RANBP2: variants seen among roughly 807,000 people sequenced by gnomAD.
RANBP2 encodes E3 SUMO-protein ligase RanBP2.
Under a neutral mutation model 303.6 loss-of-function variants are expected in RANBP2, and 57 were observed. That is an observed-to-expected ratio of 0.19 (90% CI 0.15 to 0.23). The LOEUF (loss-of-function observed/expected upper bound fraction) is 0.23. RANBP2 is among the 10% of genes least tolerant of loss of function. The pLI is 1.00. For synonymous variants in RANBP2, 1,167 were observed against 1,301.5 expected, an observed-to-expected ratio of 0.90 and a Z score of 2.23; for missense variants, 3,138 against 3,780.8, an observed-to-expected ratio of 0.83 and a Z score of 4.46.
the RANBP2 span, among the ~76,000 whole-genome samples, chr2:109,329,269 A>G: frequency 6.6e-6 from 1 of 152,152 alleles, no homozygotes; most frequent in African/African-American, 2.4e-5. Context: ...GATTGCTTCT[A>G]AATCTCTCCA....
the RANBP2 span, among the ~76,000 whole-genome samples, chr2:109,210,290 C>G: frequency 2.6e-5 from 4 of 152,156 alleles, no homozygotes; most frequent in African/African-American, 4.8e-5. Context: ...CTGTTTGAGT[C>G]CTTGCTTTGA....
chr2:109,737,565 G>A, the RANBP2 span: 11 of 434,730 alleles, frequency 2.5e-5, no homozygotes, highest in African/African-American at 2.3e-4. Flanking sequence ...TTAACGTACT[G>A]ATTTTCTTTT....
the RANBP2 span, among the ~76,000 whole-genome samples, chr2:108,988,693 G>A: frequency 3.9e-5 from 6 of 152,302 alleles, no homozygotes; most frequent in African/African-American, 1.2e-4. Flanking sequence ...CTTAAAGCCT[G>A]TGAAGCACAC....
chr2:109,373,652 C>T, the RANBP2 span, among the ~76,000 whole-genome samples: 7 of 152,150 alleles, frequency 4.6e-5, no homozygotes, highest in East Asian at 1.9e-4. Flanking sequence ...GGGATTCTGA[C>T]TGGAAGAGGT....
chr2:109,143,085 G>T, the RANBP2 span, among the ~76,000 whole-genome samples: 1 of 152,126 alleles, frequency 6.6e-6, no homozygotes, highest in South Asian at 2.1e-4. Flanking sequence ...AACCCAGTGT[G>T]GGGGGCCTGC....
chr2:109,593,798 T>C, the RANBP2 span, among the ~76,000 whole-genome samples: 2 of 152,152 alleles, frequency 1.3e-5, no homozygotes, highest in African/African-American at 4.8e-5. Context: ...ATGTCAAGAA[T>C]GCTACAATTG....
chr2:109,644,501 A>C, the RANBP2 span, among the ~76,000 whole-genome samples: 1 of 152,196 alleles, frequency 6.6e-6, no homozygotes, highest in Non-Finnish European at 1.5e-5. Flanking sequence ...GTTAAAGAAA[A>C]GTAGTTTGTG....
At chr2:108,775,464 G>T (rs1438177387) in intron 23 of RANBP2, among the ~76,000 whole-genome samples, 1 of 152,110 alleles carries the variant, frequency 6.6e-6, no homozygotes, top group African/African-American at 2.4e-5. Context: ...GAAAAACTCC[G>T]TGTGGATCTT....
the RANBP2 span, chr2:109,371,689 C>T: frequency 1.7e-5 from 27 of 1,612,176 alleles, no homozygotes; most frequent in African/African-American, 1.6e-4. Context: ...GAGGTAAGAC[C>T]GTGCCGCCCT....
chr2:109,321,908 G>A, the RANBP2 span, among the ~76,000 whole-genome samples: 1 of 152,222 alleles, frequency 6.6e-6, no homozygotes, highest in African/African-American at 2.4e-5. Flanking sequence ...AGGACTTCAG[G>A]ACTTCTCTGA....
chr2:108,816,853 C>T, the RANBP2 span, among the ~76,000 whole-genome samples: 1 of 152,106 alleles, frequency 6.6e-6, no homozygotes, highest in Non-Finnish European at 1.5e-5. Context: ...ACCACCTTGC[C>T]AGCTAATTTT....
chr2:109,068,113 G>A, the RANBP2 span, among the ~76,000 whole-genome samples: 670 of 152,288 alleles, frequency 4.4e-3, 3 homozygotes, highest in African/African-American at 0.015. Context: ...ACCCCCTCAC[G>A]GGGCTACCCC....
chr2:108,806,636 C>T, the RANBP2 span, among the ~76,000 whole-genome samples: 14 of 152,022 alleles, frequency 9.2e-5, no homozygotes, highest in African/African-American at 1.7e-4. Context: ...AAGTAACGAG[C>T]GTGGCTGTGT....
the RANBP2 span, among the ~76,000 whole-genome samples, chr2:109,222,951 A>G: frequency 6.6e-6 from 1 of 152,230 alleles, no homozygotes; most frequent in African/African-American, 2.4e-5. Flanking sequence ...GCCTGGGGCT[A>G]CGGTCCCCAT....
chr2:109,124,544 C>T, the RANBP2 span: 1 of 152,216 alleles, frequency 6.6e-6, no homozygotes, highest in Non-Finnish European at 1.5e-5. Flanking sequence ...CTCCTGACCT[C>T]AGGTGATCCG....
At chr2:109,575,973 T>C in the RANBP2 span, among the ~76,000 whole-genome samples, 4 of 152,136 alleles carry the variant, frequency 2.6e-5, no homozygotes, top group Non-Finnish European at 5.9e-5. Flanking sequence ...AGAACTAGCA[T>C]AGGCCAGGCT....
At chr2:109,128,743 C>T in the RANBP2 span, 5 of 179,882 alleles carry the variant, frequency 2.8e-5, no homozygotes, top group Non-Finnish European at 4.7e-5. Flanking sequence ...CCAAACTTTC[C>T]TTCGCAGCAG....
chr2:109,195,070 C>T, the RANBP2 span, among the ~76,000 whole-genome samples: 1 of 152,154 alleles, frequency 6.6e-6, no homozygotes, highest in African/African-American at 2.4e-5. Context: ...ATCCTAATAC[C>T]CTGGTTCTTT....
the RANBP2 span, among the ~76,000 whole-genome samples, chr2:109,559,490 C>T: frequency 2.6e-5 from 4 of 152,164 alleles, no homozygotes; most frequent in Non-Finnish European, 4.4e-5. Context: ...TTTCTAATTT[C>T]CCCTTCTTTG....
Sources: gnomAD v4.1 joint callset for allele counts (sites outside exome capture counted in the v4.1 genomes callset) on GRCh38, gnomAD v4.1.1 for gene constraint, MANE v1.5 for transcripts, NCBI Gene and HGNC (gene_info 2026-07-23, HGNC 2026-07-21) for gene names.